RAB39B: variants seen among roughly 807,000 people sequenced by gnomAD.
RAB39B encodes the protein RAB39B, member RAS oncogene family.
For synonymous variants in RAB39B, 63 were observed against 67.5 expected (o/e 0.93, Z 0.33); for missense variants, 68 against 171.3 (o/e 0.40, Z 3.37).
rs1391379362 is a variant in RAB39B at position 155,260,345 on chromosome X, G to A, written c.*458C>T. 7 of 123,846 alleles carry A rather than the reference G, an allele frequency of 5.7e-5. No homozygotes were observed. Among genetic ancestry groups the A allele is most frequent in the Non-Finnish European group, 8.4e-5 (5 of 59,730 alleles). The allele number at this position is 123,846 out of a possible 1,213,427, so 10.2% of individuals were successfully genotyped here. ...CACCTTTGGTGCAGGGTATTCTCACGGAATAAGTAGAGCTCATAATCTTTG... is the reference window on the plus strand; with the variant it reads ...CACCTTTGGTGCAGGGTATTCTCACAGAATAAGTAGAGCTCATAATCTTTG... On this transcript the variant is annotated 3_prime_UTR_variant, in exon 2 of 2. Transcript: ENST00000369454.
At chrX:155,264,048 C>T (rs781812247) in intron 1 of RAB39B, 26 bp downstream of exon 1, 19 of 1,190,851 alleles carry the variant, frequency 1.6e-5, no homozygotes, top group Non-Finnish European at 8.0e-6. Flanking sequence ...CCTCCCACTG[C>T]TTGCGGGCCC....
chrX:155,263,467 A>G (rs182230782), intron 1 of RAB39B, among the ~76,000 whole-genome samples: 296 of 112,389 alleles, frequency 2.6e-3, no homozygotes, highest in Non-Finnish European at 3.5e-3. Flanking sequence ...ATGTTAGCAC[A>G]GAAGTTCCAA....
At position 155,260,658 on chromosome X, in the gene RAB39B, C is replaced by T. The variant is rs371035947; in HGVS notation, c.*145G>A. ...TCAGGCACCCCCATCCACCCGCACA[C>T]GAGTCTGTCAGAGTCCCCCTGAGAG... is the stretch of plus-strand genomic sequence containing the variant. On this transcript the variant is annotated 3_prime_UTR_variant, in exon 2 of 2. Transcript: ENST00000369454. The T allele has an allele frequency of 3.2e-6, 2 of 627,939 alleles. No homozygotes were observed. The highest frequency in any genetic ancestry group is 2.6e-6 in the Non-Finnish European group (1 of 384,449). 51.7% of individuals were successfully genotyped at this position (627,939 alleles called of 1,213,427 possible).
chrX:155,264,402 G>C lies in RAB39B; in HGVS notation c.-114C>G. 1.4e-6 allele frequency: 1 copy of C among 716,369 alleles called. No homozygotes were observed. The highest frequency in any genetic ancestry group is 2.1e-6 in the Non-Finnish European group (1 of 471,794). The allele number at this position is 716,369 out of a possible 1,213,427, so 59.0% of individuals were successfully genotyped here. A position where few individuals can be genotyped will look rare whatever the true frequency, so the allele number is the denominator to read the frequency against. The stretch of plus-strand genomic sequence containing the variant: ...GATCTAGCTCAGCCGCGAGCGCATC[G>C]CTGGCCTGGGAGCCCGAAGCTGGGT... On this transcript the variant is annotated 5_prime_UTR_variant, in exon 1 of 2. Transcript: ENST00000369454.
At chrX:155,261,359 A>T in intron 1 of RAB39B, 130 bp from the exon 2 acceptor site, 3 of 556,489 alleles carry the variant, frequency 5.4e-6, no homozygotes, top group Non-Finnish European at 8.8e-6. Context: ...TTTTTTTTTA[A>T]AAAAACAAAG....
At chrX:155,261,817 T>C (rs2124127512) in intron 1 of RAB39B, among the ~76,000 whole-genome samples, 1 of 110,568 alleles carries the variant, frequency 9.0e-6, no homozygotes, top group South Asian at 3.8e-4. Context: ...TGTTTTTTTC[T>C]CTTTCCATTA....
In RAB39B at chrX:155,260,773, GA is replaced by G. The variant is rs1557314186; in HGVS notation, c.*29del. On this transcript the variant is annotated 3_prime_UTR_variant, in exon 2 of 2. Transcript: ENST00000369454. ...TTCTCTTACTTTTCAGTTCAAGTAG[GA>G]GAGCATGTTTTGGAAATAAAAGAAC... 23 of 1,173,806 alleles carry G rather than the reference GA, an allele frequency of 2.0e-5. No individual in the cohort carries two copies. The highest frequency in any genetic ancestry group is 2.6e-5 in the Non-Finnish European group (22 of 862,068).
intron 1 of RAB39B, 42 bp downstream of exon 1, chrX:155,264,032 G>A (rs781861366): frequency 2.6e-6 from 3 of 1,155,956 alleles, no homozygotes; most frequent in South Asian, 1.8e-5. Context: ...TGCAAACCCC[G>A]AAGACCCTCC....
rs1165163716 is a variant in RAB39B at position 155,260,346 on chromosome X, GAA to G, written c.*455_*456del. On this transcript the variant is annotated 3_prime_UTR_variant, in exon 2 of 2. Coordinates refer to ENST00000369454, the MANE Select transcript of RAB39B (RefSeq NM_171998.4). ...ACCTTTGGTGCAGGGTATTCTCACG[GAA>G]TAAGTAGAGCTCATAATCTTTGTTT... 3 of 127,518 alleles carry G rather than the reference GAA, an allele frequency of 2.4e-5. No individual in the cohort carries two copies. The highest frequency in any genetic ancestry group is 9.5e-5 in the African/African-American group (3 of 31,513). The allele number at this position is 127,518 out of a possible 1,213,427, so 10.5% of individuals were successfully genotyped here.
In RAB39B at chrX:155,261,037, G is replaced by A. The variant is rs1406319460; in HGVS notation, c.408C>T (p.His136=). Residue 136 remains histidine (H), a synonymous_variant, in exon 2 of 2, where the codon CAC becomes CAT. Coordinates refer to ENST00000369454, the MANE Select transcript of RAB39B (RefSeq NM_171998.4). ...DLDTQRQVTR[H]EAEKLAAAYG... is the part of the protein sequence containing the mutation. ...ATGCAGCAGCCAGTTTCTCGGCCTC[G>A]TGGCGAGTCACTTGCCTCTGTGTAT... 5 of 1,211,273 alleles carry A rather than the reference G, an allele frequency of 4.1e-6. No homozygotes were observed. Among genetic ancestry groups the A allele is most frequent in the Non-Finnish European group, 4.5e-6 (4 of 895,175 alleles).
chrX:155,260,603 G>A lies in RAB39B; in HGVS notation c.*200C>T. On this transcript the variant is annotated 3_prime_UTR_variant, in exon 2 of 2. Transcript: ENST00000369454. ...CAAAACAGTGCCTGGCCTGGCCCAT[G>A]TCAGCAATTCAGTCCCTTGGTCACA... 1 of 463,016 alleles carries A rather than the reference G, an allele frequency of 2.2e-6. No homozygotes were observed. The highest frequency in any genetic ancestry group is 3.8e-6 in the Non-Finnish European group (1 of 264,114). The allele number at this position is 463,016 out of a possible 1,213,427, so 38.2% of individuals were successfully genotyped here.
Position 155,260,366 on chromosome X carries a change from C to T in RAB39B, c.*437G>A. On this transcript the variant is annotated 3_prime_UTR_variant, in exon 2 of 2. Transcript: ENST00000369454. Reference sequence around the variant, plus strand: ...TCACGGAATAAGTAGAGCTCATAATCTTTGTTTAGTTATGCTAATTGTCCC... The same window carrying T: ...TCACGGAATAAGTAGAGCTCATAATTTTTGTTTAGTTATGCTAATTGTCCC... 1 of 140,382 alleles carries T rather than the reference C, an allele frequency of 7.1e-6. No individual in the cohort carries two copies. The allele number at this position is 140,382 out of a possible 1,213,427, so 11.6% of individuals were successfully genotyped here. A position where few individuals can be genotyped will look rare whatever the true frequency, so the allele number is the denominator to read the frequency against.
chrX:155,259,542 A>G lies in RAB39B; in HGVS notation c.*1261T>C, dbSNP rs1382952198. The G allele has an allele frequency of 8.9e-6, 1 of 112,134 alleles. No individual in the cohort carries two copies. The highest frequency in any genetic ancestry group is 1.9e-5 in the Non-Finnish European group (1 of 53,269). 9.2% of individuals were successfully genotyped at this position (112,134 alleles called of 1,213,427 possible). ...GTTCTAATGTCTTTTTAGTTGTGCA[A>G]TTATTCACTTGTTTAAAGCCCTCTT... On this transcript the variant is annotated 3_prime_UTR_variant, in exon 2 of 2. Transcript: ENST00000369454.
chrX:155,261,613 G>A (rs2074854030), intron 1 of RAB39B, among the ~76,000 whole-genome samples: 1 of 111,115 alleles, frequency 9.0e-6, no homozygotes, highest in Admixed American at 9.6e-5. Flanking sequence ...TGCAAAATAG[G>A]ATACCCAAGT....
chrX:155,262,308 G>A, intron 1 of RAB39B, among the ~76,000 whole-genome samples: 1 of 112,227 alleles, frequency 8.9e-6, no homozygotes, highest in Non-Finnish European at 1.9e-5. Context: ...GGGACCTACA[G>A]TCCAAGCTAG....
Position 155,258,619 on chromosome X carries a change from A to T in RAB39B, c.*2184T>A, listed in dbSNP as rs1237999763. On this transcript the variant is annotated 3_prime_UTR_variant, in exon 2 of 2. Transcript: ENST00000369454. ...AAGCTCAGCCACCTCTGCTGGATTT[A>T]TGCTGAATATTTTTAAACCTGCCAG... is the stretch of plus-strand genomic sequence containing the variant. 1.8e-5 allele frequency: 2 copies of T among 112,577 alleles called. No individual in the cohort carries two copies. Among genetic ancestry groups the T allele is most frequent in the African/African-American group, 6.4e-5 (2 of 31,018 alleles). The allele number at this position is 112,577 out of a possible 1,213,427, so 9.3% of individuals were successfully genotyped here. A position where few individuals can be genotyped will look rare whatever the true frequency, so the allele number is the denominator to read the frequency against.
Position 155,264,329 on chromosome X carries a change from G to A in RAB39B, c.-41C>T, listed in dbSNP as rs1440980170. 1 of 1,126,000 alleles carries A rather than the reference G, an allele frequency of 8.9e-7. No individual in the cohort carries two copies. The highest frequency in any genetic ancestry group is 2.2e-5 in the Admixed American group (1 of 45,934). The allele number at this position is 1,126,000 out of a possible 1,213,427, so 92.8% of individuals were successfully genotyped here. A position where few individuals can be genotyped will look rare whatever the true frequency, so the allele number is the denominator to read the frequency against. On this transcript the variant is annotated 5_prime_UTR_variant, in exon 1 of 2. Transcript: ENST00000369454. ...GGTCTCCTTGGCCCGGACCGGGGAC[G>A]GCGGGAGGGGGCGCCCCGCCGACGC...
At chrX:155,261,286 A>G (rs782706304) in intron 1 of RAB39B, 57 bp from the exon 2 acceptor site, 3 of 887,857 alleles carry the variant, frequency 3.4e-6, no homozygotes, top group South Asian at 2.0e-5. Context: ...CTGCATGTCA[A>G]TGAACTCAGT....
chrX:155,263,502 G>A (rs1337297220), intron 1 of RAB39B, among the ~76,000 whole-genome samples: 1 of 112,215 alleles, frequency 8.9e-6, no homozygotes, highest in Non-Finnish European at 1.9e-5. Flanking sequence ...TGTCTGTTTA[G>A]ATTACATGGC....
Sources: gnomAD v4.1 joint callset for allele counts (sites outside exome capture counted in the v4.1 genomes callset) on GRCh38, gnomAD v4.1.1 for gene constraint, MANE v1.5 for transcripts, NCBI Gene and HGNC (gene_info 2026-07-23, HGNC 2026-07-21) for gene names.